The following B3GNT6 variants were observed in gnomAD, a reference collection of about 807,000 sequenced individuals.
B3GNT6 encodes UDP-GlcNAc:betaGal beta-1,3-N-acetylglucosaminyltransferase 6.
For missense variants in B3GNT6, 624 were observed against 568.6 expected (o/e 1.10, Z -0.99); for synonymous variants, 300 against 270.0 (o/e 1.11, Z -1.09).
intron 1 of B3GNT6, among the ~76,000 whole-genome samples, chr11:77,035,032 G>A (rs910208946): frequency 6.6e-6 from 1 of 152,140 alleles, no homozygotes; most frequent in Non-Finnish European, 1.5e-5. Flanking sequence ...GGGGGTGGAC[G>A]CCTGTAATCC....
In B3GNT6 at chr11:77,041,256, G is replaced by A. The variant is rs1417446495; in HGVS notation, c.*550G>A. 1 of 153,038 alleles carries A rather than the reference G, an allele frequency of 6.5e-6. No individual in the cohort carries two copies. The highest frequency in any genetic ancestry group is 1.5e-5 in the Non-Finnish European group (1 of 68,700). 9.5% of individuals were successfully genotyped at this position (153,038 alleles called of 1,614,324 possible). A position where few individuals can be genotyped will look rare whatever the true frequency, so the allele number is the denominator to read the frequency against. On this transcript the variant is annotated 3_prime_UTR_variant, in exon 2 of 2. Coordinates refer to ENST00000622824, the MANE Select transcript of B3GNT6 (RefSeq NM_138706.5). ...AGAAGTCAGCCAACACGCAGCTGAG[G>A]CGCATGTGGTGGCCTTCTTCCCACC...
chr11:77,038,726 C>A (rs1308890303), intron 1 of B3GNT6, among the ~76,000 whole-genome samples: 1 of 152,036 alleles, frequency 6.6e-6, no homozygotes, highest in Non-Finnish European at 1.5e-5. Context: ...CCTGGGCAGG[C>A]TACATGCAGG....
rs1949682401 is a variant in B3GNT6 at position 77,040,881 on chromosome 11, C to T, written c.*175C>T. 1 of 1,122,570 alleles carries T rather than the reference C, an allele frequency of 8.9e-7. No homozygotes were observed. Among genetic ancestry groups the T allele is most frequent in the African/African-American group, 1.6e-5 (1 of 61,468 alleles). The allele number at this position is 1,122,570 out of a possible 1,614,324, so 69.5% of individuals were successfully genotyped here. ...AATGCCTACATCCTGGCTCCATCTCCCGAAGTTTCGATTTGATTAGTCTGG... is the reference window on the plus strand; with the variant it reads ...AATGCCTACATCCTGGCTCCATCTCTCGAAGTTTCGATTTGATTAGTCTGG... On this transcript the variant is annotated 3_prime_UTR_variant, in exon 2 of 2. Transcript: ENST00000622824.
Position 77,039,810 on chromosome 11 carries a change from G to C in B3GNT6, c.259G>C (p.Ala87Pro), listed in dbSNP as rs557387102. ...NATADFEQLP[A>P]RIQDFLRYRH... is the part of the protein sequence containing the mutation. ...CACGGCCGACTTCGAGCAGCTGCCC[G>C]CGCGCATCCAGGACTTCCTGCGGTA... Residue 87 changes from alanine to proline, a missense_variant, in exon 2 of 2, where the codon GCG (alanine) becomes CCG (proline). Coordinates refer to ENST00000622824, the MANE Select transcript of B3GNT6 (RefSeq NM_138706.5). 3 of 1,575,944 alleles carry C rather than the reference G, an allele frequency of 1.9e-6. No homozygotes were observed. The highest frequency in any genetic ancestry group is 2.7e-5 in the African/African-American group (2 of 74,198).
At position 77,040,146 on chromosome 11, in the gene B3GNT6, C is replaced by G; in HGVS notation, c.595C>G (p.Leu199Val). 6.3e-7 allele frequency: 1 copy of G among 1,599,316 alleles called. No homozygotes were observed. Among genetic ancestry groups the G allele is most frequent in the Non-Finnish European group, 8.5e-7 (1 of 1,179,458 alleles). ...AFADTFLNLTLKHLHLLDWLA... is the reference protein window; with the variant it reads ...AFADTFLNLTVKHLHLLDWLA... ...CGCGGACACCTTCCTCAACCTCACG[C>G]TCAAGCACCTGCACTTGCTCGACTG... Residue 199 changes from leucine to valine, a missense_variant, in exon 2 of 2, where the codon CTC (leucine) becomes GTC (valine). Coordinates refer to ENST00000622824, the MANE Select transcript of B3GNT6 (RefSeq NM_138706.5).
chr11:77,036,164 A>T (rs1555026911), intron 1 of B3GNT6, among the ~76,000 whole-genome samples: 2 of 152,204 alleles, frequency 1.3e-5, no homozygotes, highest in African/African-American at 4.8e-5. Context: ...TTGAAAAAAA[A>T]ATATTGCATT....
At position 77,040,411 on chromosome 11, in the gene B3GNT6, T is replaced by G. The variant is rs1949676034; in HGVS notation, c.860T>G (p.Leu287Arg). 3.3e-6 allele frequency: 5 copies of G among 1,529,630 alleles called. No homozygotes were observed. In the South Asian group the frequency reaches 6.0e-5, roughly 18 times the overall value. The allele number at this position is 1,529,630 out of a possible 1,614,324, so 94.8% of individuals were successfully genotyped here. ...PVYCSGGGFLLSGPTARALRA... is the reference protein window; with the variant it reads ...PVYCSGGGFLRSGPTARALRA... ...TACTGCAGCGGCGGCGGCTTCCTCCTGTCCGGCCCCACGGCCCGGGCCCTG... is the reference window on the plus strand; with the variant it reads ...TACTGCAGCGGCGGCGGCTTCCTCCGGTCCGGCCCCACGGCCCGGGCCCTG... Residue 287 changes from leucine (L) to arginine (R), a missense_variant, in exon 2 of 2, where the codon CTG (leucine) becomes CGG (arginine). Coordinates refer to ENST00000622824, the MANE Select transcript of B3GNT6 (RefSeq NM_138706.5).
chr11:77,035,569 G>A (rs1044685537), intron 1 of B3GNT6, among the ~76,000 whole-genome samples: 16 of 152,210 alleles, frequency 1.1e-4, no homozygotes, highest in Admixed American at 4.6e-4. Flanking sequence ...TGGACTTACC[G>A]TGAGGTGAGC....
intron 1 of B3GNT6, chr11:77,037,086 G>A (rs1413687738): frequency 1.3e-5 from 2 of 152,456 alleles, no homozygotes; most frequent in Admixed American, 6.5e-5. Flanking sequence ...CTGTCACTGG[G>A]CTGAGGGCAA....
Position 77,040,507 on chromosome 11 carries a change from C to G in B3GNT6, c.956C>G (p.Ala319Gly). The G allele has an allele frequency of 1.3e-6, 2 of 1,547,702 alleles. No homozygotes were observed. The highest frequency in any genetic ancestry group is 1.7e-6 in the Non-Finnish European group (2 of 1,153,090). ...TACATGGGCATGTGTCTGGAGCGCG[C>G]CGGCCTGGCGCCCAGCGGCCACGAG... is the stretch of plus-strand genomic sequence containing the variant. ...DAYMGMCLER[A>G]GLAPSGHEGI... The change falls in exon 2 of 2, where the codon GCC becomes GGC. Residue 319 changes from alanine (A) to glycine (G), a missense_variant. Physicochemically the swap from Ala to Gly is moderately conservative, Grantham distance 60 (BLOSUM62 0). Transcript: ENST00000622824.
chr11:77,040,362 T>G lies in B3GNT6; in HGVS notation c.811T>G (p.Phe271Val). The G allele has an allele frequency of 1.9e-6, 3 of 1,539,534 alleles. No individual in the cohort carries two copies. The highest frequency in any genetic ancestry group is 2.6e-6 in the Non-Finnish European group (3 of 1,148,782). ...WSKYFVPPQL[F>V]PGSAYPVYCS... ...CAAGTACTTCGTGCCGCCGCAGCTCTTCCCCGGGTCCGCTTACCCGGTGTA... is the reference window on the plus strand; with the variant it reads ...CAAGTACTTCGTGCCGCCGCAGCTCGTCCCCGGGTCCGCTTACCCGGTGTA... The change falls in exon 2 of 2, where the codon TTC (phenylalanine) becomes GTC (valine). Residue 271 changes from phenylalanine to valine, a missense_variant. Physicochemically the swap from Phe to Val is conservative, Grantham distance 50 (BLOSUM62 -1). Coordinates refer to ENST00000622824, the MANE Select transcript of B3GNT6 (RefSeq NM_138706.5).
Position 77,040,641 on chromosome 11 carries a change from C to G in B3GNT6, c.1090C>G (p.Leu364Val). The G allele has an allele frequency of 6.2e-7, 1 of 1,601,210 alleles. No homozygotes were observed. The highest frequency in any genetic ancestry group is 8.5e-7 in the Non-Finnish European group (1 of 1,179,216). Residue 364 changes from leucine (L) to valine (V), a missense_variant, in exon 2 of 2, where the codon CTG (leucine) becomes GTG (valine). Leu to Val is a conservative substitution (Grantham distance 32, BLOSUM62 1). Coordinates refer to ENST00000622824, the MANE Select transcript of B3GNT6 (RefSeq NM_138706.5). ...LVHRFAPYEM[L>V]LMWKALHSPA... The stretch of plus-strand genomic sequence containing the variant: ...GCACCGCTTCGCGCCCTACGAGATG[C>G]TGCTCATGTGGAAGGCGCTGCACAG...
Position 77,041,477 on chromosome 11 carries a change from ACAGGCTCCTTGCCGGGGTCTGGGCCT to A in B3GNT6, c.*779_*804del. On this transcript the variant is annotated 3_prime_UTR_variant, in exon 2 of 2. Transcript: ENST00000622824. ...CAATAATCACCCCCACGGGTCAGAG[ACAGGCTCCTTGCCGGGGTCTGGGCCT>A]CAGGCTCAGTGGGCCTTGGACAACC... 6.6e-6 allele frequency: 1 copy of A among 152,580 alleles called. No individual in the cohort carries two copies. Among genetic ancestry groups the A allele is most frequent in the East Asian group, 1.9e-4 (1 of 5,188 alleles). The allele number at this position is 152,580 out of a possible 1,614,324, so 9.5% of individuals were successfully genotyped here. A position where few individuals can be genotyped will look rare whatever the true frequency, so the allele number is the denominator to read the frequency against.
intron 1 of B3GNT6, among the ~76,000 whole-genome samples, chr11:77,034,774 G>A (rs1174178022): frequency 6.6e-6 from 1 of 152,186 alleles, no homozygotes; most frequent in Non-Finnish European, 1.5e-5. Context: ...GTATGGAATG[G>A]GTGGGTGGCC....
At position 77,040,683 on chromosome 11, in the gene B3GNT6, G is replaced by GC; in HGVS notation, c.1132_1133insC (p.Asp378AlafsTer72). On this transcript the variant is annotated frameshift_variant, in exon 2 of 2. Transcript: ENST00000622824. LOFTEE classifies it low-confidence loss of function (END_TRUNC). ...GCTGCACAGCCCCGCGCTCAGCTGTGACCGGGGACACCGGGTCTCCTGAGG... is the reference window on the plus strand; with the variant it reads ...GCTGCACAGCCCCGCGCTCAGCTGTGCACCGGGGACACCGGGTCTCCTGAGG... The GC allele has an allele frequency of 6.3e-7, 1 of 1,587,152 alleles. No homozygotes were observed. Among genetic ancestry groups the GC allele is most frequent in the Non-Finnish European group, 8.5e-7 (1 of 1,171,422 alleles).
Position 77,041,276 on chromosome 11 carries a change from C to T in B3GNT6, c.*570C>T, listed in dbSNP as rs1053903475. 6.5e-6 allele frequency: 1 copy of T among 152,766 alleles called. No individual in the cohort carries two copies. The highest frequency in any genetic ancestry group is 6.5e-5 in the Admixed American group (1 of 15,304). 9.5% of individuals were successfully genotyped at this position (152,766 alleles called of 1,614,324 possible). On this transcript the variant is annotated 3_prime_UTR_variant, in exon 2 of 2. Transcript: ENST00000622824. ...CTGAGGCGCATGTGGTGGCCTTCTT[C>T]CCACCACTACCCCAGTACACCGTGA...
intron 1 of B3GNT6, 81 bp from the exon 2 acceptor site, chr11:77,039,471 G>C: frequency 1.3e-6 from 2 of 1,502,642 alleles, no homozygotes; most frequent in African/African-American, 2.9e-5. Flanking sequence ...GGTTCTGGGA[G>C]AGAAGTGACG....
rs1282150307 is a variant in B3GNT6 at position 77,039,980 on chromosome 11, G to A, written c.429G>A (p.Glu143=). ...TCATCCGGCGCACGTGGGGGCAAGA[G>A]CGCAGCTACGGCGGGCGGCCAGTGC... ...RELIRRTWGQ[E]RSYGGRPVRR... is the part of the protein sequence containing the mutation. Residue 143 remains glutamate (E), a synonymous_variant, in exon 2 of 2, where the codon GAG becomes GAA. Transcript: ENST00000622824. 1.3e-5 allele frequency: 21 copies of A among 1,588,742 alleles called. No homozygotes were observed. The highest frequency in any genetic ancestry group is 1.8e-5 in the Non-Finnish European group (21 of 1,175,398).
In B3GNT6 at chr11:77,040,048, C is replaced by A; in HGVS notation, c.497C>A (p.Ala166Glu). 6.3e-7 allele frequency: 1 copy of A among 1,581,986 alleles called. No homozygotes were observed. The highest frequency in any genetic ancestry group is 8.5e-7 in the Non-Finnish European group (1 of 1,173,208). The change falls in exon 2 of 2, where the codon GCG becomes GAG. Residue 166 changes from alanine to glutamate, a missense_variant. Physicochemically the swap from Ala to Glu is moderately radical, Grantham distance 107. Coordinates refer to ENST00000622824, the MANE Select transcript of B3GNT6 (RefSeq NM_138706.5). ...GGCACCCCGGGCCCCGAGGACGAGG[C>A]GCGCGCGGAGCGGCTGGCGGAGCTG... ...LLGTPGPEDE[A>E]RAERLAELVA... is the part of the protein sequence containing the mutation.
Sources: gnomAD v4.1 joint callset for allele counts (sites outside exome capture counted in the v4.1 genomes callset) on GRCh38, gnomAD v4.1.1 for gene constraint, MANE v1.5 for transcripts, NCBI Gene and HGNC (gene_info 2026-07-23, HGNC 2026-07-21) for gene names.